ADAMTSL1: variants seen among roughly 807,000 people sequenced by gnomAD.
ADAMTSL1 encodes the protein ADAMTS like 1.
A neutral mutation model predicts 201.8 loss-of-function variants in ADAMTSL1; 126 were observed. The observed-to-expected ratio is 0.62, with a 90% CI of 0.54 to 0.72. The LOEUF is 0.72. Among genes scored for constraint, ADAMTSL1 ranks in the 30% least tolerant of loss-of-function variants. The probability of loss-of-function intolerance (pLI) is 0.00; values close to 1 mark genes in which losing one functional copy is unlikely to be tolerated. For missense variants in ADAMTSL1, 2,679 were observed against 2,277.8 expected (o/e 1.18, Z -3.59); for synonymous variants, 1,121 against 903.4 (o/e 1.24, Z -4.32).
chr9:18,469,443 A>T (rs568401798), upstream of ADAMTSL1, among the ~76,000 whole-genome samples: 1 of 152,246 alleles, frequency 6.6e-6, no homozygotes, highest in Non-Finnish European at 1.5e-5. Context: ...GCAGAAAGTG[A>T]TGTGTTATAG....
chr9:18,304,111 C>G (rs1563872565), intron 2 of ADAMTSL1, among the ~76,000 whole-genome samples: 1 of 152,052 alleles, frequency 6.6e-6, no homozygotes, highest in Non-Finnish European at 1.5e-5. Context: ...TAGATGTCCT[C>G]TATGTGTCTG....
chr9:18,528,548 T>C (rs772525966), intron 2 of ADAMTSL1, among the ~76,000 whole-genome samples: 2 of 152,214 alleles, frequency 1.3e-5, no homozygotes, highest in Non-Finnish European at 2.9e-5. Flanking sequence ...TGTTCTTTTT[T>C]ATGGCTGCAT....
chr9:18,828,660 T>TTA (rs1554643931), intron 22 of ADAMTSL1, among the ~76,000 whole-genome samples: 697 of 28,548 alleles, frequency 0.024, 26 homozygotes, highest in Admixed American at 0.029. Context: ...GAAAGTATAT[T>TTA]TATATATATA....
At chr9:18,692,260 GA>G (rs1831272622) in intron 13 of ADAMTSL1, among the ~76,000 whole-genome samples, 3 of 152,144 alleles carry the variant, frequency 2.0e-5, no homozygotes, top group Admixed American at 6.5e-5. Context: ...CTGCCTGGGT[GA>G]AAAAGCAACC....
chr9:18,070,684 T>A (rs1822924663), intron 1 of ADAMTSL1, among the ~76,000 whole-genome samples: 1 of 152,092 alleles, frequency 6.6e-6, no homozygotes, highest in Non-Finnish European at 1.5e-5. Flanking sequence ...GCAAAGCCCC[T>A]TGGGAGAAGG....
intron 5 of ADAMTSL1, among the ~76,000 whole-genome samples, chr9:18,625,512 TCTTA>T (rs1027545598): frequency 6.6e-6 from 1 of 152,174 alleles, no homozygotes; most frequent in African/African-American, 2.4e-5. Flanking sequence ...CTTTCTCCTT[TCTTA>T]AAGGAAAAGA....
chr9:18,586,584 A>G (rs1253994437), intron 4 of ADAMTSL1, among the ~76,000 whole-genome samples: 1 of 151,994 alleles, frequency 6.6e-6, no homozygotes, highest in East Asian at 1.9e-4. Flanking sequence ...ACAGAACTAG[A>G]AAAAAAACTA....
At chr9:18,551,425 C>T (rs906452798) in intron 3 of ADAMTSL1, among the ~76,000 whole-genome samples, 1 of 151,594 alleles carries the variant, frequency 6.6e-6, no homozygotes, top group African/African-American at 2.4e-5. Context: ...TTCTTCTTTT[C>T]TAGTCTTTGA....
intron 15 of ADAMTSL1, among the ~76,000 whole-genome samples, chr9:18,727,587 G>T (rs1817967010): frequency 6.6e-6 from 1 of 152,168 alleles, no homozygotes; most frequent in Admixed American, 6.5e-5. Flanking sequence ...GGACTGTATT[G>T]GCCCAGTGAT....
At chr9:18,319,495 T>G (rs1834537908) in intron 2 of ADAMTSL1, among the ~76,000 whole-genome samples, 1 of 152,088 alleles carries the variant, frequency 6.6e-6, no homozygotes, top group Non-Finnish European at 1.5e-5. Context: ...AAAGGTAAAG[T>G]TTTCTCTTCT....
intron 2 of ADAMTSL1, among the ~76,000 whole-genome samples, chr9:18,191,229 T>C (rs1199284255): frequency 6.6e-6 from 1 of 152,126 alleles, no homozygotes; most frequent in East Asian, 1.9e-4. Context: ...AAGAAGAAAC[T>C]GGCTGCTTGA....
intron 23 of ADAMTSL1, among the ~76,000 whole-genome samples, chr9:18,843,366 C>G (rs1187777015): frequency 6.7e-6 from 1 of 150,138 alleles, no homozygotes; most frequent in Non-Finnish European, 1.5e-5. Flanking sequence ...ATTGGTCCCC[C>G]CTCTCTTCTG....
chr9:18,882,446 CATACACAT>C (rs1404757743), intron 23 of ADAMTSL1, among the ~76,000 whole-genome samples: 1 of 152,138 alleles, frequency 6.6e-6, no homozygotes, highest in Non-Finnish European at 1.5e-5. Context: ...TATTTGCCTT[CATACACAT>C]ATAGTTTTCC....
intron 1 of ADAMTSL1, among the ~76,000 whole-genome samples, chr9:17,956,329 T>C (rs890444510): frequency 6.6e-6 from 1 of 152,174 alleles, no homozygotes; most frequent in Admixed American, 6.5e-5. Flanking sequence ...TTCTGTTTTG[T>C]TGTACTACTT....
At chr9:18,878,806 C>G (rs1431655918) in intron 23 of ADAMTSL1, among the ~76,000 whole-genome samples, 1 of 152,176 alleles carries the variant, frequency 6.6e-6, no homozygotes, top group Non-Finnish European at 1.5e-5. Context: ...GTTTTGTCTC[C>G]TATCTGCCAT....
At chr9:18,731,966 C>G (rs998990817) in intron 15 of ADAMTSL1, among the ~76,000 whole-genome samples, 4 of 152,124 alleles carry the variant, frequency 2.6e-5, no homozygotes, top group Non-Finnish European at 5.9e-5. Context: ...ATATGATATT[C>G]GGGCAGGACA....
intron 2 of ADAMTSL1, among the ~76,000 whole-genome samples, chr9:18,168,345 A>G (rs905455083): frequency 1.3e-5 from 2 of 152,010 alleles, no homozygotes; most frequent in African/African-American, 4.8e-5. Context: ...CTCATTGCTA[A>G]ATTGCCACCT....
Position 18,662,082 on chromosome 9 carries a change from A to C in ADAMTSL1, c.1085+9A>C. The C allele has an allele frequency of 6.2e-7, 1 of 1,610,234 alleles. No individual in the cohort carries two copies. Among genetic ancestry groups the C allele is most frequent in the Admixed American group, 1.7e-5 (1 of 58,948 alleles). ...GATCCTTGTCCAGCCAGGTCAGTCA[A>C]ATTTGCTAGTTCATTTGTCATAAAC... On this transcript the variant is annotated intron_variant, in intron 9 of 28. Transcript: ENST00000380548.
chr9:18,774,145 G>C (rs1177918347), intron 17 of ADAMTSL1, among the ~76,000 whole-genome samples: 1 of 152,124 alleles, frequency 6.6e-6, no homozygotes, highest in Non-Finnish European at 1.5e-5. Flanking sequence ...GCCTGGAGAT[G>C]ACAGCCTCCT....
Sources: allele counts gnomAD v4.1 joint callset (sites outside exome capture counted in the v4.1 genomes callset), GRCh38; gene constraint gnomAD v4.1.1; transcripts MANE v1.5; gene names NCBI Gene and HGNC (gene_info 2026-07-23, HGNC 2026-07-21).